CFAP61: variants seen among roughly 807,000 people sequenced by gnomAD.
The protein encoded by CFAP61 is cilia- and flagella-associated protein 61.
In CFAP61, 107 loss-of-function variants were observed where a neutral mutation model predicts 135.6. The ratio of observed to expected loss-of-function variants is 0.79; its 90% CI spans 0.67 to 0.93. The LOEUF is 0.93. CFAP61 is among the 40% of genes least tolerant of loss of function. The pLI is 0.00. For missense variants in CFAP61, 1,507 were observed against 1,556.2 expected (o/e 0.97, Z 0.53); for synonymous variants, 575 against 578.5 (o/e 0.99, Z 0.09).
At position 20,052,597 on chromosome 20, in the gene CFAP61, TAAC is replaced by T. The variant is rs2043810832; in HGVS notation, c.-37+7_-37+9del. On this transcript the variant is annotated splice_region_variant and intron_variant, in intron 1 of 26. Transcript: ENST00000245957. ...GTCCTGGAGCTGCGGATGAGGTGGGTAACGCCGTGCTGACTAGCAGCGACGCAA... is the reference window on the plus strand; with the variant it reads ...GTCCTGGAGCTGCGGATGAGGTGGGTGCCGTGCTGACTAGCAGCGACGCAA... 6.2e-7 allele frequency: 1 copy of T among 1,613,700 alleles called. No individual in the cohort carries two copies. The highest frequency in any genetic ancestry group is 1.7e-5 in the Admixed American group (1 of 59,980).
At chr20:20,170,559 C>T (rs1359868392) in intron 13 of CFAP61, among the ~76,000 whole-genome samples, 1 of 152,168 alleles carries the variant, frequency 6.6e-6, no homozygotes, top group Non-Finnish European at 1.5e-5. Context: ...AAACTGCACC[C>T]TTGAAATGAG....
chr20:20,155,686 T>C (rs891756960), intron 9 of CFAP61, among the ~76,000 whole-genome samples: 2 of 152,142 alleles, frequency 1.3e-5, no homozygotes, highest in African/African-American at 2.4e-5. Context: ...CACCACTAAT[T>C]ATCAGGGAAA....
chr20:20,300,596 T>C (rs995906138), intron 25 of CFAP61, among the ~76,000 whole-genome samples: 58 of 151,970 alleles, frequency 3.8e-4, no homozygotes, highest in Admixed American at 3.7e-3. Flanking sequence ...TGGGGTTCTT[T>C]TGTTTTTTTT....
At chr20:20,269,731 A>G (rs1017151442) in intron 21 of CFAP61, among the ~76,000 whole-genome samples, 1 of 152,234 alleles carries the variant, frequency 6.6e-6, no homozygotes, top group African/African-American at 2.4e-5. Context: ...CTACTTAAAA[A>G]TATTTCATTA....
chr20:20,329,134 C>G (rs2057880895), intron 25 of CFAP61, among the ~76,000 whole-genome samples: 1 of 152,122 alleles, frequency 6.6e-6, no homozygotes, highest in Non-Finnish European at 1.5e-5. Context: ...CTCACTGCCC[C>G]CCTGATCCCA....
At chr20:20,160,951 G>A (rs2053347901) in intron 10 of CFAP61, among the ~76,000 whole-genome samples, 1 of 152,152 alleles carries the variant, frequency 6.6e-6, no homozygotes, top group Admixed American at 6.5e-5. Context: ...TCCAGGTGGG[G>A]TTGATTCACC....
At chr20:20,347,462 A>G (rs930808095) in intron 26 of CFAP61, among the ~76,000 whole-genome samples, 1 of 152,244 alleles carries the variant, frequency 6.6e-6, no homozygotes, top group African/African-American at 2.4e-5. Flanking sequence ...GATCAACCAA[A>G]TTGATAAACC....
At chr20:20,140,090 C>G (rs182953037) in intron 8 of CFAP61, among the ~76,000 whole-genome samples, 2 of 142,608 alleles carry the variant, frequency 1.4e-5, no homozygotes, top group East Asian at 4.1e-4. Flanking sequence ...GGAGTATTGA[C>G]TGGACGGGGA....
At chr20:20,255,925 C>T (rs1394745114) in intron 20 of CFAP61, among the ~76,000 whole-genome samples, 1 of 152,202 alleles carries the variant, frequency 6.6e-6, no homozygotes, top group Non-Finnish European at 1.5e-5. Flanking sequence ...TCACAGAGGC[C>T]ATACAGTGCC....
At chr20:20,073,299 T>C (rs1452926051) in intron 3 of CFAP61, among the ~76,000 whole-genome samples, 1 of 152,222 alleles carries the variant, frequency 6.6e-6, no homozygotes, top group African/African-American at 2.4e-5. Flanking sequence ...TTTGTGTTGT[T>C]TGCCTTTTGG....
chr20:20,312,912 G>A (rs2056914113), intron 25 of CFAP61, among the ~76,000 whole-genome samples: 1 of 152,090 alleles, frequency 6.6e-6, no homozygotes, highest in Admixed American at 6.6e-5. Flanking sequence ...TCCTACCCAT[G>A]CCAACCAACA....
At chr20:20,320,439 T>A (rs1471732858) in intron 25 of CFAP61, among the ~76,000 whole-genome samples, 1 of 126,190 alleles carries the variant, frequency 7.9e-6, no homozygotes, top group Non-Finnish European at 1.5e-5. Context: ...TAATATAATA[T>A]ATGTAATATA....
At chr20:20,124,840 G>C (rs573692202) in intron 8 of CFAP61, among the ~76,000 whole-genome samples, 1 of 151,798 alleles carries the variant, frequency 6.6e-6, no homozygotes, top group East Asian at 1.9e-4. Context: ...CTGTGAATCT[G>C]TCTGGTCCTG....
intron 26 of CFAP61, among the ~76,000 whole-genome samples, chr20:20,348,462 C>G (rs1458657538): frequency 6.6e-6 from 1 of 151,954 alleles, no homozygotes; most frequent in Non-Finnish European, 1.5e-5. Context: ...CCAAGGCAGG[C>G]AGATCATTTG....
In CFAP61 at chr20:20,075,634, C is replaced by T; in HGVS notation, c.566+19C>T. 1.2e-6 allele frequency: 2 copies of T among 1,612,192 alleles called. No individual in the cohort carries two copies. The highest frequency in any genetic ancestry group is 8.5e-7 in the Non-Finnish European group (1 of 1,178,582). ...AAGCCAGGTACAGTTGGAGTCATGCCTTGTGTGACCTAAGCTTCACTGGGA... is the reference window on the plus strand; with the variant it reads ...AAGCCAGGTACAGTTGGAGTCATGCTTTGTGTGACCTAAGCTTCACTGGGA... On this transcript the variant is annotated intron_variant, in intron 6 of 26. Coordinates refer to ENST00000245957, the MANE Select transcript of CFAP61 (RefSeq NM_015585.4).
At chr20:20,067,437 A>G (rs1433581021) in intron 2 of CFAP61, among the ~76,000 whole-genome samples, 2 of 151,580 alleles carry the variant, frequency 1.3e-5, no homozygotes, top group African/African-American at 4.8e-5. Flanking sequence ...AGTAAAAGAG[A>G]TCGAGACCAT....
At chr20:20,301,380 C>A (rs1408767498) in intron 25 of CFAP61, among the ~76,000 whole-genome samples, 2 of 152,172 alleles carry the variant, frequency 1.3e-5, no homozygotes, top group East Asian at 1.9e-4. Context: ...ACTAGACTAT[C>A]TAGGTTTGTG....
At chr20:20,301,524 C>A (rs769429237) in intron 25 of CFAP61, among the ~76,000 whole-genome samples, 5 of 152,320 alleles carry the variant, frequency 3.3e-5, no homozygotes, top group Non-Finnish European at 7.3e-5. Context: ...GCTCCACAGA[C>A]CTGCCAAGCC....
chr20:20,287,025 T>C (rs533768438), intron 22 of CFAP61, among the ~76,000 whole-genome samples: 113 of 152,258 alleles, frequency 7.4e-4, no homozygotes, highest in African/African-American at 2.6e-3. Flanking sequence ...TCAAATCAGA[T>C]ATCTTTCTAT....
Sources: allele counts gnomAD v4.1 joint callset (sites outside exome capture counted in the v4.1 genomes callset), GRCh38; gene constraint gnomAD v4.1.1; transcripts MANE v1.5; gene names NCBI Gene and HGNC (gene_info 2026-07-23, HGNC 2026-07-21).